Variants in PALM observed in about 807,000 individuals in gnomAD.
The protein encoded by PALM is paralemmin.
Under a neutral mutation model 30.7 loss-of-function variants are expected in PALM, and 18 were observed. That is an observed-to-expected ratio of 0.59 (90% CI 0.41 to 0.87). PALM has a LOEUF of 0.87. PALM is among the 40% of genes least tolerant of loss of function. PALM has a pLI of 0.00. For missense variants in PALM, 529 were observed against 555.4 expected (o/e 0.95, Z 0.48); for synonymous variants, 286 against 242.8 (o/e 1.18, Z -1.66).
At chr19:730,604 G>A (rs888667028) in intron 4 of PALM, among the ~76,000 whole-genome samples, 2 of 152,158 alleles carry the variant, frequency 1.3e-5, no homozygotes, top group Admixed American at 6.6e-5. Context: ...TTTGGATCCC[G>A]CCTCTGCTAC....
Position 709,181 on chromosome 19 carries a change from G to A in PALM, c.5+30G>A, listed in dbSNP as rs1207560605. 2.8e-5 allele frequency: 9 copies of A among 316,604 alleles called. No homozygotes were observed. The highest frequency in any genetic ancestry group is 1.5e-4 in the Admixed American group (3 of 19,744). 19.6% of individuals were successfully genotyped at this position (316,604 alleles called of 1,614,324 possible). A position where few individuals can be genotyped will look rare whatever the true frequency, so the allele number is the denominator to read the frequency against. The stretch of plus-strand genomic sequence containing the variant: ...GTAGGCGCGCTCGGGCCGCGGGGCT[G>A]GGGGCCCGGAGCTCCGGGAGCCGGG... On this transcript the variant is annotated intron_variant, in intron 1 of 8. Coordinates refer to ENST00000338448, the MANE Select transcript of PALM (RefSeq NM_002579.3). This position sits in a 1 kb window ranked among gnomAD's most constrained non-coding sequence, Gnocchi z 4.3.
rs3190776 is a variant in PALM, at chr19:747,150, A to G, written c.*336A>G. 0.47 allele frequency: 126,683 copies of G among 270,242 alleles called. 32,055 individuals are homozygous for G. The highest frequency in any genetic ancestry group is 0.77 in the East Asian group (7,979 of 10,410). The allele number at this position is 270,242 out of a possible 1,614,324, so 16.7% of individuals were successfully genotyped here. A position where few individuals can be genotyped will look rare whatever the true frequency, so the allele number is the denominator to read the frequency against. On this transcript the variant is annotated 3_prime_UTR_variant, in exon 9 of 9. Coordinates refer to ENST00000338448, the MANE Select transcript of PALM (RefSeq NM_002579.3). ...CGGGGTCCTGGCGGGTGGGACCCGC[A>G]GCCTCCACGCGGCCCAGGCCAGCCT...
intron 1 of PALM, among the ~76,000 whole-genome samples, chr19:713,942 T>G: frequency 6.8e-6 from 1 of 147,728 alleles, no homozygotes; most frequent in Non-Finnish European, 1.5e-5. Context: ...TCTCGCTCTG[T>G]CACCCAGGCT....
intron 7 of PALM, among the ~76,000 whole-genome samples, chr19:739,010 G>A (rs375772427): frequency 2.6e-5 from 4 of 152,180 alleles, no homozygotes; most frequent in African/African-American, 4.8e-5. Flanking sequence ...GCTGCGGGGC[G>A]GGGTCTCAGG....
chr19:727,573 C>T lies in PALM; in HGVS notation c.148C>T (p.Leu50=). The T allele has an allele frequency of 6.3e-7, 1 of 1,588,498 alleles. No homozygotes were observed. The change falls in exon 4 of 9, where the codon CTG becomes TTG. Residue 50 remains leucine, a synonymous_variant. Coordinates refer to ENST00000338448, the MANE Select transcript of PALM (RefSeq NM_002579.3). Reference sequence around the variant, plus strand: ...GATCCCTGCTGCTCAGTCCAAGGCACTGCGGGAGCGCTGGCTGCTGGAGGG... The same window carrying T: ...GATCCCTGCTGCTCAGTCCAAGGCATTGCGGGAGCGCTGGCTGCTGGAGGG... ...RQLQHLKSKA[L]RERWLLEGTP...
At chr19:728,313 C>G (rs1461943966) in intron 4 of PALM, among the ~76,000 whole-genome samples, 5 of 152,130 alleles carry the variant, frequency 3.3e-5, no homozygotes, top group African/African-American at 4.8e-5. Flanking sequence ...AAGTGACGAC[C>G]AAGATTCCAA....
chr19:746,678 C>T lies in PALM; in HGVS notation c.1028C>T (p.Pro343Leu). 1 of 1,611,142 alleles carries T rather than the reference C, an allele frequency of 6.2e-7. No individual in the cohort carries two copies. The highest frequency in any genetic ancestry group is 1.1e-5 in the South Asian group (1 of 90,848). Residue 343 changes from proline to leucine, a missense_variant, in exon 9 of 9, where the codon CCC (proline) becomes CTC (leucine). Coordinates refer to ENST00000338448, the MANE Select transcript of PALM (RefSeq NM_002579.3). The surrounding 1 kb of genome is among the most constrained non-coding windows in gnomAD (Gnocchi z 7.1). ...GCTGAGCCCAAGGAGCCTGCACCAC[C>T]CAACGGCAGTGCTGCCGAGCCTCCC... ...DAAEPKEPAP[P>L]NGSAAEPPTE... is the part of the protein sequence containing the mutation.
intron 8 of PALM, among the ~76,000 whole-genome samples, chr19:745,849 A>C (rs1248264615): frequency 6.6e-6 from 1 of 152,144 alleles, no homozygotes; most frequent in Non-Finnish European, 1.5e-5. Flanking sequence ...ACCTGAGGTC[A>C]GGAGTTCGAG....
intron 1 of PALM, among the ~76,000 whole-genome samples, chr19:720,169 A>C (rs2032414539): frequency 4.1e-5 from 6 of 146,486 alleles, no homozygotes; most frequent in East Asian, 2.2e-4. Context: ...CAATCCCCCC[A>C]AGCACAGGCC....
At chr19:713,035 C>T (rs1345415299) in intron 1 of PALM, among the ~76,000 whole-genome samples, 1 of 152,124 alleles carries the variant, frequency 6.6e-6, no homozygotes, top group Non-Finnish European at 1.5e-5. Flanking sequence ...CAGGGTGGTC[C>T]AGTGGCACAT....
In PALM at chr19:729,027, A is replaced by G. The variant is rs117007620; in HGVS notation, c.269+1333A>G. Among the ~76,000 whole-genome samples, 1,368 of 151,300 alleles carry G rather than the reference A, an allele frequency of 9.0e-3. 11 individuals are homozygous for G. Among genetic ancestry groups the G allele is most frequent in the Non-Finnish European group, 0.014 (959 of 67,804 alleles). On this transcript the variant is annotated intron_variant, in intron 4 of 8. Coordinates refer to ENST00000338448, the MANE Select transcript of PALM (RefSeq NM_002579.3). ...TCAAAAAATAAATAAATAAATAAAA[A>G]TAAAGGCATGGACATGCTGGGCGTG...
intron 4 of PALM, among the ~76,000 whole-genome samples, chr19:728,418 C>T (rs983075168): frequency 6.6e-6 from 1 of 152,192 alleles, no homozygotes; most frequent in Admixed American, 6.5e-5. Context: ...GTTCTGACCC[C>T]GTGGGGGCCC....
At chr19:721,842 C>A (rs2032492928) in intron 1 of PALM, among the ~76,000 whole-genome samples, 1 of 151,400 alleles carries the variant, frequency 6.6e-6, no homozygotes, top group Non-Finnish European at 1.5e-5. Context: ...AGGTGATCCA[C>A]CCGCCTTGGC....
At chr19:712,111 C>T (rs1045659665) in intron 1 of PALM, among the ~76,000 whole-genome samples, 1 of 152,082 alleles carries the variant, frequency 6.6e-6, no homozygotes, top group Non-Finnish European at 1.5e-5. Context: ...CAACCTCCGC[C>T]TCCCGGGTTC....
chr19:731,172 G>A lies in PALM; in HGVS notation c.347G>A (p.Ser116Asn), dbSNP rs761916518. 6 of 1,609,782 alleles carry A rather than the reference G, an allele frequency of 3.7e-6. No homozygotes were observed. Among genetic ancestry groups the A allele is most frequent in the Non-Finnish European group, 5.1e-6 (6 of 1,178,680 alleles). ...GCCAAGGAGAACGCGGCGGCCCCGA[G>A]CCCAGTCCGGGCCCCAGCCCCGAGT... ...ATAKENAAAP[S>N]PVRAPAPSPA... The change falls in exon 5 of 9, where the codon AGC becomes AAC. Residue 116 changes from serine to asparagine, a missense_variant. Transcript: ENST00000338448.
At chr19:722,522 C>G (rs955739373) in intron 1 of PALM, 1 of 152,316 alleles carries the variant, frequency 6.6e-6, no homozygotes, top group African/African-American at 2.4e-5. Context: ...AGCCACCACA[C>G]CTGGCCTAGG....
At chr19:731,590 A>AGC (rs10626208) in intron 5 of PALM, among the ~76,000 whole-genome samples, 4,294 of 47,746 alleles carry the variant, frequency 0.09, 698 homozygotes, top group African/African-American at 0.2. Flanking sequence ...GGGCTCAGGG[A>AGC]AGCAGGAGAC....
At position 709,051 on chromosome 19, in the gene PALM, C is replaced by G. The variant is rs1400243693; in HGVS notation, c.-96C>G. 3 of 190,016 alleles carry G rather than the reference C, an allele frequency of 1.6e-5. No homozygotes were observed. Among genetic ancestry groups the G allele is most frequent in the Middle Eastern group, 2.1e-3 (1 of 474 alleles). The allele number at this position is 190,016 out of a possible 1,614,324, so 11.8% of individuals were successfully genotyped here. On this transcript the variant is annotated 5_prime_UTR_variant, in exon 1 of 9. Transcript: ENST00000338448. This position sits in a 1 kb window ranked among gnomAD's most constrained non-coding sequence, Gnocchi z 4.3. ...GCCAGGCCTTAGCCCGCCCCGGCCCCCGCCAGGCCGCGTCCCCCTCCCCTC... is the reference window on the plus strand; with the variant it reads ...GCCAGGCCTTAGCCCGCCCCGGCCCGCGCCAGGCCGCGTCCCCCTCCCCTC...
At chr19:717,965 T>G (rs1043623221) in intron 1 of PALM, among the ~76,000 whole-genome samples, 1 of 152,100 alleles carries the variant, frequency 6.6e-6, no homozygotes, top group African/African-American at 2.4e-5. Flanking sequence ...GCGAACCACC[T>G]GAGGTCAGGA....
Sources: gnomAD v4.1 joint callset for allele counts (sites outside exome capture counted in the v4.1 genomes callset) on GRCh38, gnomAD v4.1.1 for gene constraint, Gnocchi (gnomAD v3.1) non-coding constraint, MANE v1.5 for transcripts, NCBI Gene and HGNC (gene_info 2026-07-23, HGNC 2026-07-21) for gene names.